Variants in CACNA2D3 observed in about 807,000 individuals in gnomAD.
The protein encoded by CACNA2D3 is voltage-dependent calcium channel subunit alpha-2/delta-3.
CACNA2D3 carries 60 observed loss-of-function variants against 160.6 expected under a neutral mutation model. That is an observed-to-expected ratio of 0.37 (90% CI 0.30 to 0.46). The LOEUF (loss-of-function observed/expected upper bound fraction) is 0.46. Among genes scored for constraint, CACNA2D3 ranks in the 20% least tolerant of loss-of-function variants. CACNA2D3 has a pLI of 1.00. For synonymous variants in CACNA2D3, 558 were observed against 492.9 expected (o/e 1.13, Z -1.75); for missense variants, 1,205 against 1,365.0 (o/e 0.88, Z 1.85).
chr3:54,798,634 A>G (rs996479747), intron 13 of CACNA2D3, among the ~76,000 whole-genome samples: 8 of 152,216 alleles, frequency 5.3e-5, no homozygotes. Context: ...TAATTGGTAA[A>G]TAGAGAATGA....
At position 54,707,773 on chromosome 3, in the gene CACNA2D3, AT is replaced by A. The variant is rs1399433011; in HGVS notation, c.1168-44824del. Among the ~76,000 whole-genome samples the A allele has an allele frequency of 7.9e-5, 12 of 152,176 alleles. No homozygotes were observed. The South Asian group carries it at 2.1e-3, about 26-fold the overall frequency. On this transcript the variant is annotated intron_variant, in intron 11 of 37. Transcript: ENST00000474759. ...GTGGGGTAGCTTGAAGGAGAGGGAGATTCTGGGGAAATGACGGCCTGAGTTT... is the reference window on the plus strand; with the variant it reads ...GTGGGGTAGCTTGAAGGAGAGGGAGATCTGGGGAAATGACGGCCTGAGTTT...
chr3:54,547,962 C>G (rs909812603), intron 5 of CACNA2D3, among the ~76,000 whole-genome samples: 1 of 152,114 alleles, frequency 6.6e-6, no homozygotes, highest in Non-Finnish European at 1.5e-5. Flanking sequence ...CCAAAGCACT[C>G]GGATTACAGG....
chr3:54,253,434 A>C (rs1010198263), intron 2 of CACNA2D3, among the ~76,000 whole-genome samples: 9 of 152,106 alleles, frequency 5.9e-5, no homozygotes, highest in African/African-American at 2.2e-4. Flanking sequence ...AGCAGGAGCC[A>C]GAGAGAGAGT....
chr3:54,934,791 G>C (rs1425902638), intron 27 of CACNA2D3, among the ~76,000 whole-genome samples: 1 of 152,110 alleles, frequency 6.6e-6, no homozygotes, highest in East Asian at 1.9e-4. Context: ...GAGTGCAGTG[G>C]CGCTATCGTA....
intron 4 of CACNA2D3, among the ~76,000 whole-genome samples, chr3:54,457,905 C>T (rs1209167281): frequency 6.6e-6 from 1 of 152,006 alleles, no homozygotes. Flanking sequence ...GGTACTCCTG[C>T]TCACGTTTAG....
intron 2 of CACNA2D3, among the ~76,000 whole-genome samples, chr3:54,193,054 G>A (rs951584231): frequency 2.0e-5 from 3 of 152,186 alleles, no homozygotes; most frequent in Non-Finnish European, 4.4e-5. Flanking sequence ...TTGGCCAGGC[G>A]CTCTGCTAAA....
intron 2 of CACNA2D3, among the ~76,000 whole-genome samples, chr3:54,146,180 C>A (rs926751278): frequency 3.3e-5 from 5 of 152,190 alleles, no homozygotes; most frequent in Admixed American, 1.3e-4. Context: ...TGGTGTTAAA[C>A]CCTAGCCCTA....
intron 2 of CACNA2D3, among the ~76,000 whole-genome samples, chr3:54,221,584 A>T (rs1440133947): frequency 6.6e-6 from 1 of 152,178 alleles, no homozygotes; most frequent in Non-Finnish European, 1.5e-5. Context: ...AGATTAGGTC[A>T]TTGTTTTGGG....
chr3:54,737,008 T>C (rs1156702975), intron 11 of CACNA2D3, among the ~76,000 whole-genome samples: 1 of 152,222 alleles, frequency 6.6e-6, no homozygotes, highest in Non-Finnish European at 1.5e-5. Flanking sequence ...TTAATCCCTC[T>C]ATTTCTTTTA....
intron 25 of CACNA2D3, 106 bp from the exon 26 acceptor site, chr3:54,896,643 C>G: frequency 1.4e-6 from 2 of 1,398,428 alleles, no homozygotes; most frequent in Non-Finnish European, 2.0e-6. Context: ...AGTTGGGGTT[C>G]TAAAAGTGAA....
chr3:54,160,956 G>T (rs552502249), intron 2 of CACNA2D3, among the ~76,000 whole-genome samples: 1 of 152,310 alleles, frequency 6.6e-6, no homozygotes, highest in South Asian at 2.1e-4. Context: ...GAGCAAAGGC[G>T]AAGTCCAGCA....
At chr3:54,205,097 G>A (rs1343559938) in intron 2 of CACNA2D3, among the ~76,000 whole-genome samples, 2 of 152,162 alleles carry the variant, frequency 1.3e-5, no homozygotes, top group Non-Finnish European at 2.9e-5. Context: ...TGAATAGGAA[G>A]CCAGGAGATT....
At chr3:54,376,376 C>T (rs1699012991) in intron 3 of CACNA2D3, among the ~76,000 whole-genome samples, 2 of 152,198 alleles carry the variant, frequency 1.3e-5, no homozygotes, top group African/African-American at 4.8e-5. Context: ...GCTCTATGCC[C>T]TTCGCTTTCA....
At chr3:54,968,562 G>C in intron 28 of CACNA2D3, 51 bp downstream of exon 28, 1 of 1,393,292 alleles carries the variant, frequency 7.2e-7, no homozygotes, top group East Asian at 2.4e-5. Flanking sequence ...TATTATACAG[G>C]TGTTCCCATT....
chr3:55,054,940 G>A (rs532442510), intron 35 of CACNA2D3, among the ~76,000 whole-genome samples: 1 of 152,118 alleles, frequency 6.6e-6, no homozygotes, highest in South Asian at 2.1e-4. Context: ...TCTAGCCCTG[G>A]AATATGATAT....
intron 4 of CACNA2D3, among the ~76,000 whole-genome samples, chr3:54,475,197 T>C (rs1700807698): frequency 6.6e-6 from 1 of 152,202 alleles, no homozygotes; most frequent in Non-Finnish European, 1.5e-5. Context: ...CCACCAAGCT[T>C]TGCTGGTGAA....
At chr3:54,646,136 T>C (rs199958294) in intron 11 of CACNA2D3, among the ~76,000 whole-genome samples, 2,025 of 24,918 alleles carry the variant, frequency 0.081, 205 homozygotes, top group Non-Finnish European at 0.18. Context: ...TCTTCCTTCC[T>C]TCCTTCCTTC....
chr3:54,661,418 G>C (rs1377522804), intron 11 of CACNA2D3, among the ~76,000 whole-genome samples: 1 of 152,176 alleles, frequency 6.6e-6, no homozygotes, highest in African/African-American at 2.4e-5. Flanking sequence ...TTCTGGTTCA[G>C]AACTCCAAAT....
chr3:54,987,642 A>C (rs747429585), intron 30 of CACNA2D3, 41 bp from the exon 31 acceptor site: 4 of 1,330,362 alleles, frequency 3.0e-6, no homozygotes, highest in Middle Eastern at 1.9e-4. Context: ...GTTTGGGCAC[A>C]TTATTTATCT....
Sources: allele counts gnomAD v4.1 joint callset (sites outside exome capture counted in the v4.1 genomes callset), GRCh38; gene constraint gnomAD v4.1.1; transcripts MANE v1.5; gene names NCBI Gene and HGNC (gene_info 2026-07-23, HGNC 2026-07-21).